ADGRE1: variants seen among roughly 807,000 people sequenced by gnomAD.
ADGRE1 encodes EGF-like module receptor 1.
In ADGRE1, 82 loss-of-function variants were observed where a neutral mutation model predicts 102.7. The observed-to-expected ratio is 0.80, with a 90% confidence interval of 0.67 to 0.96. The LOEUF (loss-of-function observed/expected upper bound fraction) is 0.96, where lower values mean the gene tolerates loss of function less well. Among genes scored for constraint, ADGRE1 ranks in the 40% least tolerant of loss-of-function variants. ADGRE1 has a pLI of 0.00. For missense variants in ADGRE1, 1,032 were observed against 1,085.3 expected, an observed-to-expected ratio of 0.95 and a Z score of 0.69; for synonymous variants, 398 against 399.6, an observed-to-expected ratio of 1.00 and a Z score of 0.05.
At chr19:6,898,469 C>G in intron 5 of ADGRE1, 1 of 1,588,538 alleles carries the variant, frequency 6.3e-7, no homozygotes, top group Non-Finnish European at 8.6e-7. Context: ...ACTGGTGATG[C>G]CCTCAGGTTC....
chr19:6,926,317 A>T, intron 15 of ADGRE1, 49 bp from the exon 16 acceptor site: 1 of 1,598,002 alleles, frequency 6.3e-7, no homozygotes, highest in Non-Finnish European at 8.5e-7. Flanking sequence ...CTTCCTTTCG[A>T]TTTCTCTCTG....
In ADGRE1 at chr19:6,940,168, T is replaced by G; in HGVS notation, c.*139T>G. The G allele has an allele frequency of 9.9e-7, 1 of 1,011,292 alleles. No homozygotes were observed. Among genetic ancestry groups the G allele is most frequent in the Non-Finnish European group, 1.5e-6 (1 of 670,648 alleles). 62.6% of individuals were successfully genotyped at this position (1,011,292 alleles called of 1,614,324 possible). A position where few individuals can be genotyped will look rare whatever the true frequency, so the allele number is the denominator to read the frequency against. On this transcript the variant is annotated 3_prime_UTR_variant, in exon 21 of 21. Transcript: ENST00000312053. ...AGCCCCAGAACCCTCTGGGGAAGAA[T>G]GTTGGGGGCGGTCTTCCTGTGGTTG...
chr19:6,893,180 C>G lies in ADGRE1; in HGVS notation c.94+2637C>G, dbSNP rs1973437814. 1.3e-5 allele frequency among the ~76,000 whole-genome samples: 2 copies of G among 152,072 alleles called. 1 individual carries two copies. The highest frequency in any genetic ancestry group is 1.3e-4 in the Admixed American group (2 of 15,278). On this transcript the variant is annotated intron_variant, in intron 2 of 20. Transcript: ENST00000312053. ...CATGTTTCTGCAAAGGATGGGATTTCATTCTTTCTTTCTTTTTTTATTTTT... is the reference window on the plus strand; with the variant it reads ...CATGTTTCTGCAAAGGATGGGATTTGATTCTTTCTTTCTTTTTTTATTTTT...
In ADGRE1 at chr19:6,898,425, C is replaced by G. The variant is rs569816241; in HGVS notation, c.514+878C>G. The stretch of plus-strand genomic sequence containing the variant: ...GTTTCTCTTCTCCCACTGGAAATGA[C>G]TGGATCCCAGGAAAGCCGGGCAATT... On this transcript the variant is annotated intron_variant, in intron 5 of 20. Transcript: ENST00000312053. The G allele has an allele frequency of 2.1e-5, 33 of 1,601,166 alleles. No homozygotes were observed. The South Asian group carries it at 3.6e-4, about 18-fold the overall frequency.
At position 6,939,087 on chromosome 19, in the gene ADGRE1, C is replaced by T. The variant is rs112682145; in HGVS notation, c.2656-937C>T. Among the ~76,000 whole-genome samples, 22 of 152,134 alleles carry T rather than the reference C, an allele frequency of 1.4e-4. 1 individual carries two copies. The highest frequency in any genetic ancestry group is 3.9e-4 in the African/African-American group (16 of 41,498). ...CTGGGATTACAGGTGTGAGCCACCA[C>T]GCCCAGCTGGTCTATTTTCATTATG... On this transcript the variant is annotated intron_variant, in intron 20 of 20. Coordinates refer to ENST00000312053, the MANE Select transcript of ADGRE1 (RefSeq NM_001974.5).
chr19:6,919,764 C>G lies in ADGRE1; in HGVS notation c.1620+17C>G, dbSNP rs764580334. The G allele has an allele frequency of 1.9e-6, 3 of 1,609,256 alleles. No individual in the cohort carries two copies. The highest frequency in any genetic ancestry group is 2.7e-5 in the African/African-American group (2 of 74,774). ...AACATTCAGGTTTGTGAAGAGGTCT[C>G]TACTGAGATTCTTGTCTACCTGTTG... On this transcript the variant is annotated intron_variant, in intron 13 of 20. Transcript: ENST00000312053.
chr19:6,928,116 G>C, intron 16 of ADGRE1, 29 bp from the exon 17 acceptor site: 1 of 1,607,466 alleles, frequency 6.2e-7, no homozygotes, highest in Non-Finnish European at 8.5e-7. Context: ...TCTGAGACAA[G>C]CGCTGACTCC....
Position 6,926,556 on chromosome 19 carries a change from T to C in ADGRE1, c.2177T>C (p.Val726Ala), listed in dbSNP as rs1239602198. 6.2e-7 allele frequency: 1 copy of C among 1,614,112 alleles called. No individual in the cohort carries two copies. Among genetic ancestry groups the C allele is most frequent in the Non-Finnish European group, 8.5e-7 (1 of 1,180,050 alleles). ...TATGGGCTGCCGATGCTGGTGGTGG[T>C]GATCTCTGCCAGTGTGCAGCCACAG... Reference protein sequence around the residue: ...FGYGLPMLVVVISASVQPQGY... With the variant: ...FGYGLPMLVVAISASVQPQGY... The change falls in exon 16 of 21, where the codon GTG becomes GCG. Residue 726 changes from valine (V) to alanine (A), a missense_variant. Transcript: ENST00000312053.
intron 17 of ADGRE1, 123 bp downstream of exon 17, chr19:6,928,334 C>A (rs754913830): frequency 7.6e-6 from 12 of 1,580,986 alleles, no homozygotes; most frequent in Non-Finnish European, 1.0e-5. Context: ...ATCAAAAGTT[C>A]TCCTTTCCAG....
At chr19:6,913,196 T>G (rs1164940668) in intron 10 of ADGRE1, among the ~76,000 whole-genome samples, 2 of 152,158 alleles carry the variant, frequency 1.3e-5, no homozygotes, top group Non-Finnish European at 2.9e-5. Flanking sequence ...TTTTCTTTTT[T>G]CAGACAGCCT....
intron 2 of ADGRE1, among the ~76,000 whole-genome samples, chr19:6,890,859 A>G (rs1973342170): frequency 1.3e-5 from 2 of 152,176 alleles, no homozygotes; most frequent in Admixed American, 1.3e-4. Context: ...GGTATGTAGT[A>G]TGAGCTTTAT....
chr19:6,923,017 CA>C (rs1974735409), intron 14 of ADGRE1, among the ~76,000 whole-genome samples: 1 of 152,174 alleles, frequency 6.6e-6, no homozygotes, highest in South Asian at 2.1e-4. Flanking sequence ...GCAGGGCTTG[CA>C]GTGAGCTGAG....
At chr19:6,892,530 C>G (rs961365571) in intron 2 of ADGRE1, among the ~76,000 whole-genome samples, 14 of 152,160 alleles carry the variant, frequency 9.2e-5, no homozygotes, top group African/African-American at 3.4e-4. Flanking sequence ...GCAGTCACCC[C>G]CTCCTTGGTC....
intron 14 of ADGRE1, 103 bp downstream of exon 14, chr19:6,921,986 G>C: frequency 1.5e-6 from 2 of 1,370,248 alleles, no homozygotes; most frequent in Non-Finnish European, 2.0e-6. Flanking sequence ...GGGGTTGGGT[G>C]TTGTGGGATG....
intron 5 of ADGRE1, 85 bp downstream of exon 5, chr19:6,897,632 C>G (rs1973612939): frequency 7.3e-7 from 1 of 1,376,404 alleles, no homozygotes; most frequent in Admixed American, 2.7e-5. Flanking sequence ...AAGGGATTTT[C>G]TCATGTAGGG....
chr19:6,914,957 G>A (rs1974321741), intron 11 of ADGRE1, among the ~76,000 whole-genome samples: 2 of 151,992 alleles, frequency 1.3e-5, no homozygotes, highest in African/African-American at 2.4e-5. Context: ...GATGGTGAGA[G>A]CAGTAGGAGA....
At position 6,908,759 on chromosome 19, in the gene ADGRE1, T is replaced by A; in HGVS notation, c.1109T>A (p.Val370Glu). The change falls in exon 10 of 21, where the codon GTA becomes GAA. Residue 370 changes from valine to glutamate, a missense_variant. Val to Glu is a moderately radical substitution (Grantham distance 121, BLOSUM62 -2). Transcript: ENST00000312053. ...AAAGTGTGTGAAAATAAAACGACCG[T>A]AGTTTCTCTGAAGGTAACGATTGGG... Reference protein sequence around the residue: ...LDKVCENKTTVVSLKNTTESF... With the variant: ...LDKVCENKTTEVSLKNTTESF... The A allele has an allele frequency of 6.2e-7, 1 of 1,609,970 alleles. No individual in the cohort carries two copies. The highest frequency in any genetic ancestry group is 8.5e-7 in the Non-Finnish European group (1 of 1,179,056).
chr19:6,904,258 C>A, intron 8 of ADGRE1, 76 bp downstream of exon 8: 1 of 1,559,118 alleles, frequency 6.4e-7, no homozygotes, highest in Non-Finnish European at 8.7e-7. Context: ...TCTACCCAAC[C>A]TCGGGATCTT....
chr19:6,898,670 A>G (rs330883), intron 5 of ADGRE1: 18,371 of 1,191,366 alleles, frequency 0.015, 180 homozygotes, highest in Non-Finnish European at 0.019. Flanking sequence ...TGCAGCTGTC[A>G]AGTTGGATTC....
Sources: gnomAD v4.1 joint callset for allele counts (sites outside exome capture counted in the v4.1 genomes callset) on GRCh38, gnomAD v4.1.1 for gene constraint, MANE v1.5 for transcripts, NCBI Gene and HGNC (gene_info 2026-07-23, HGNC 2026-07-21) for gene names.